Variants in EGFR observed in about 807,000 individuals in gnomAD.
EGFR encodes the protein epidermal growth factor receptor.
In EGFR, 58 loss-of-function variants were observed where a neutral mutation model predicts 143.0. The observed-to-expected ratio is 0.41, with a 90% CI of 0.33 to 0.50. The LOEUF is 0.50. EGFR is among the 20% of genes least tolerant of loss of function. The probability of loss-of-function intolerance (pLI) is 0.39; values close to 1 mark genes in which losing one functional copy is unlikely to be tolerated. For missense variants in EGFR, 1,307 were observed against 1,579.0 expected (o/e 0.83, Z 2.92); for synonymous variants, 613 against 594.4 (o/e 1.03, Z -0.45).
intron 1 of EGFR, among the ~76,000 whole-genome samples, chr7:55,113,228 T>C (rs1792622363): frequency 6.6e-6 from 1 of 152,196 alleles, no homozygotes; most frequent in Admixed American, 6.5e-5. Context: ...CTAAACATTC[T>C]AGTAATGACC....
rs749248644 is a variant in EGFR, at chr7:55,201,375, C to A, written c.3114+20C>A. The A allele has an allele frequency of 6.2e-7, 1 of 1,614,048 alleles. No homozygotes were observed. Among genetic ancestry groups the A allele is most frequent in the Non-Finnish European group, 8.5e-7 (1 of 1,179,938 alleles). The stretch of plus-strand genomic sequence containing the variant: ...TCTCTGGTATGAAATCTCTGTCTCT[C>A]TCTCTCTCTCAAGCTGTGTCTACTC... On this transcript the variant is annotated intron_variant, in intron 25 of 27. Coordinates refer to ENST00000275493, the MANE Select transcript of EGFR (RefSeq NM_005228.5).
intron 22 of EGFR, 135 bp downstream of exon 22, chr7:55,192,976 C>A: frequency 1.2e-6 from 1 of 826,834 alleles, no homozygotes. Flanking sequence ...GTAATCATTG[C>A]TGTCTATCTA....
chr7:55,156,852 A>G lies in EGFR; in HGVS notation c.1207+20A>G, dbSNP rs1785446684. 1 of 1,614,254 alleles carries G rather than the reference A, an allele frequency of 6.2e-7. No homozygotes were observed. The highest frequency in any genetic ancestry group is 8.5e-7 in the Non-Finnish European group (1 of 1,180,042). On this transcript the variant is annotated intron_variant, in intron 10 of 27. Transcript: ENST00000275493. ...TCACAGGTTTGAGCTGAATTATCAC[A>G]TGAATATAAATGGGAAATCAGTGTT...
At chr7:55,196,665 A>G (rs1215997082) in intron 22 of EGFR, among the ~76,000 whole-genome samples, 7 of 152,120 alleles carry the variant, frequency 4.6e-5, no homozygotes, top group Admixed American at 6.5e-5. Context: ...TTTACATTTA[A>G]GTCTTTAATC....
intron 1 of EGFR, among the ~76,000 whole-genome samples, chr7:55,045,918 C>T (rs576307025): frequency 2.0e-5 from 3 of 152,224 alleles, no homozygotes; most frequent in Admixed American, 6.5e-5. Flanking sequence ...ATTGTGAAGA[C>T]TTAGGACAAG....
At chr7:55,187,562 A>C (rs140059404) in intron 20 of EGFR, among the ~76,000 whole-genome samples, 26 of 152,274 alleles carry the variant, frequency 1.7e-4, no homozygotes, top group African/African-American at 5.5e-4. Context: ...ACATTCTGAC[A>C]CTTTCCTGCC....
At chr7:55,036,437 A>G (rs1412365222) in intron 1 of EGFR, among the ~76,000 whole-genome samples, 1 of 152,164 alleles carries the variant, frequency 6.6e-6, no homozygotes, top group African/African-American at 2.4e-5. Context: ...TCCGTGCTCA[A>G]ATGTATTCAT....
intron 1 of EGFR, among the ~76,000 whole-genome samples, chr7:55,101,397 C>G (rs1791817105): frequency 6.6e-6 from 1 of 152,194 alleles, no homozygotes; most frequent in Non-Finnish European, 1.5e-5. Flanking sequence ...ACTGAATTAC[C>G]GTGAGGATGT....
At chr7:55,163,868 CCTT>C in intron 14 of EGFR, 45 bp downstream of exon 14, 1 of 1,602,178 alleles carries the variant, frequency 6.2e-7, no homozygotes, top group South Asian at 1.1e-5. Context: ...ATGGGAAGGG[CCTT>C]CACAGAAGCC....
intron 26 of EGFR, 32 bp from the exon 27 acceptor site, chr7:55,202,485 C>T: frequency 6.4e-7 from 1 of 1,563,530 alleles, no homozygotes; most frequent in Non-Finnish European, 8.7e-7. Context: ...GCAGCCCTGA[C>T]CGGAGTAACC....
At chr7:55,134,973 G>T (rs1190593874) in intron 1 of EGFR, among the ~76,000 whole-genome samples, 1 of 152,166 alleles carries the variant, frequency 6.6e-6, no homozygotes, top group Non-Finnish European at 1.5e-5. Context: ...ACTGGCTAGA[G>T]ATCATCCCAT....
At chr7:55,083,839 T>G (rs1281997500) in intron 1 of EGFR, among the ~76,000 whole-genome samples, 2 of 152,188 alleles carry the variant, frequency 1.3e-5, no homozygotes, top group Non-Finnish European at 2.9e-5. Context: ...AGTCAAGAAG[T>G]AACATCCTGG....
chr7:55,091,386 T>A (rs1262708082), intron 1 of EGFR, among the ~76,000 whole-genome samples: 1 of 152,152 alleles, frequency 6.6e-6, no homozygotes, highest in Non-Finnish European at 1.5e-5. Context: ...CAGTGAAAGA[T>A]GTGTAAGTCA....
chr7:55,198,256 T>C (rs1787701874), intron 22 of EGFR, among the ~76,000 whole-genome samples: 1 of 152,200 alleles, frequency 6.6e-6, no homozygotes, highest in Non-Finnish European at 1.5e-5. Context: ...AGCTTTTTCA[T>C]TTCCAATTTT....
intron 1 of EGFR, among the ~76,000 whole-genome samples, chr7:55,092,400 T>C (rs1791180878): frequency 6.6e-6 from 1 of 152,196 alleles, no homozygotes; most frequent in African/African-American, 2.4e-5. Flanking sequence ...CCTGCCTCAC[T>C]TGGAGGCCTG....
intron 1 of EGFR, among the ~76,000 whole-genome samples, chr7:55,130,086 T>A (rs1793746227): frequency 6.6e-6 from 1 of 152,186 alleles, no homozygotes; most frequent in African/African-American, 2.4e-5. Context: ...ACATTTACTC[T>A]CTGGCTGTAT....
intron 24 of EGFR, 105 bp downstream of exon 24, chr7:55,200,518 C>G (rs1052696395): frequency 8.5e-7 from 1 of 1,170,940 alleles, no homozygotes; most frequent in East Asian, 2.4e-5. Flanking sequence ...TGTCCCAGAT[C>G]GCATTATTAA....
intron 19 of EGFR, chr7:55,181,067 A>C (rs1786841022): frequency 1.7e-6 from 1 of 604,820 alleles, no homozygotes; most frequent in Non-Finnish European, 2.9e-6. Flanking sequence ...GTCATGGGGA[A>C]TCCCCAGATG....
intron 17 of EGFR, 89 bp downstream of exon 17, chr7:55,173,213 T>C (rs1264164878): frequency 6.5e-7 from 1 of 1,540,510 alleles, no homozygotes; most frequent in Non-Finnish European, 8.8e-7. Context: ...AGCAGTTGTG[T>C]ATGTTAGATA....
Sources: allele counts gnomAD v4.1 joint callset (sites outside exome capture counted in the v4.1 genomes callset), GRCh38; gene constraint gnomAD v4.1.1; transcripts MANE v1.5; gene names NCBI Gene and HGNC (gene_info 2026-07-23, HGNC 2026-07-21).